SYNE1: variants seen among roughly 807,000 people sequenced by gnomAD.
SYNE1 encodes the protein nesprin-1.
Under a neutral mutation model 1,111.0 loss-of-function variants are expected in SYNE1, and 616 were observed. That is an observed-to-expected ratio of 0.55 (90% CI 0.52 to 0.59). The LOEUF is 0.59. Among genes scored for constraint, SYNE1 ranks in the 20% least tolerant of loss-of-function variants. The probability of loss-of-function intolerance (pLI) is 0.00; values close to 1 mark genes in which losing one functional copy is unlikely to be tolerated. For missense variants in SYNE1, 10,006 were observed against 10,417.0 expected, an observed-to-expected ratio of 0.96 and a Z score of 1.72; for synonymous variants, 3,855 against 3,825.8, an observed-to-expected ratio of 1.01 and a Z score of -0.28.
intron 86 of SYNE1, among the ~76,000 whole-genome samples, chr6:152,317,318 C>T (rs1011629939): frequency 7.3e-5 from 11 of 150,520 alleles, no homozygotes; most frequent in South Asian, 4.2e-4. Flanking sequence ...CTCAATCTTA[C>T]GGGCTCAGCC....
chr6:152,352,396 T>A (rs2096756224), intron 69 of SYNE1, 43 bp from the exon 70 acceptor site: 1 of 1,543,874 alleles, frequency 6.5e-7, no homozygotes, highest in Admixed American at 2.0e-5. Flanking sequence ...TCTTGTTTCT[T>A]TTCTTTTCTT....
chr6:152,387,911 G>A lies in SYNE1; in HGVS notation c.8178-530C>T, dbSNP rs192285856. ...ACACAATATACAGTGCTTTTGTGTCGAATGTGTGAATGAATGCTCAAGTAT... is the reference window on the plus strand; with the variant it reads ...ACACAATATACAGTGCTTTTGTGTCAAATGTGTGAATGAATGCTCAAGTAT... On this transcript the variant is annotated intron_variant, in intron 53 of 145. Transcript: ENST00000367255. Among the ~76,000 whole-genome samples the A allele has an allele frequency of 1.2e-4, 18 of 152,148 alleles. No individual in the cohort carries two copies. The South Asian group carries it at 1.9e-3, about 16-fold the overall frequency.
intron 124 of SYNE1, among the ~76,000 whole-genome samples, chr6:152,209,464 A>G (rs1231747543): frequency 6.6e-6 from 1 of 152,078 alleles, no homozygotes; most frequent in Non-Finnish European, 1.5e-5. Flanking sequence ...ATAGATCCAT[A>G]ATGGGCCGGG....
At position 152,334,188 on chromosome 6, in the gene SYNE1, G is replaced by T; in HGVS notation, c.12614C>A (p.Ser4205Ter). The T allele has an allele frequency of 6.2e-7, 1 of 1,614,088 alleles. No individual in the cohort carries two copies. Among genetic ancestry groups the T allele is most frequent in the Non-Finnish European group, 8.5e-7 (1 of 1,180,012 alleles). Residue 4205 changes from serine to a stop codon, truncating the protein, a stop_gained, in exon 77 of 146, where the codon TCG (serine) becomes TAG (stop). Coordinates refer to ENST00000367255, the MANE Select transcript of SYNE1 (RefSeq NM_182961.4). LOFTEE classifies it high-confidence loss of function. ...ATGATTTATTTCCTTGTGTTCAGGC[G>T]ATTCCTCCTTCTTTGTTAACTTATT... ...KVNKLTKKEE[S>*]PEHKEINHLN...
chr6:152,258,322 T>C (rs887224601), intron 101 of SYNE1, among the ~76,000 whole-genome samples: 4 of 152,216 alleles, frequency 2.6e-5, no homozygotes, highest in Non-Finnish European at 5.9e-5. Flanking sequence ...TTATGAGCAC[T>C]GAGGAATTTA....
Position 152,450,785 on chromosome 6 carries a change from G to T in SYNE1, c.3235C>A (p.Gln1079Lys). Residue 1079 changes from glutamine (Q) to lysine (K), a missense_variant, in exon 27 of 146, where the codon CAG becomes AAG. This residue lies in a region of SYNE1 where 1,971 missense variants were observed against 2,084.1 expected (regional missense o/e 0.95). Coordinates refer to ENST00000367255, the MANE Select transcript of SYNE1 (RefSeq NM_182961.4). ...GPHHLCEKRL[Q>K]LIEELCVKLP... is the part of the protein sequence containing the mutation. ...TTCACACAGAGTTCCTCGATGAGCTGTAACCTTTTCTCACAGAGATGATGA... is the reference window on the plus strand; with the variant it reads ...TTCACACAGAGTTCCTCGATGAGCTTTAACCTTTTCTCACAGAGATGATGA... The T allele has an allele frequency of 6.2e-7, 1 of 1,614,118 alleles. No homozygotes were observed. The highest frequency in any genetic ancestry group is 8.5e-7 in the Non-Finnish European group (1 of 1,180,024).
chr6:152,516,685 C>G (rs1373733803), intron 6 of SYNE1, among the ~76,000 whole-genome samples: 3 of 152,010 alleles, frequency 2.0e-5, no homozygotes, highest in Non-Finnish European at 2.9e-5. Context: ...CTCAAGAGAT[C>G]CTCCCACCTC....
chr6:152,398,604 T>A lies in SYNE1; in HGVS notation c.7350+15A>T, dbSNP rs1259239532. On this transcript the variant is annotated intron_variant, in intron 49 of 145. Transcript: ENST00000367255. ...ACATTTTGGGGAAGAAGGAAAAGGA[T>A]GTCAGCTTCTATACCTGAAGATCAT... 1 of 1,606,088 alleles carries A rather than the reference T, an allele frequency of 6.2e-7. No homozygotes were observed. The highest frequency in any genetic ancestry group is 8.5e-7 in the Non-Finnish European group (1 of 1,172,732).
intron 15 of SYNE1, chr6:152,472,070 A>G: frequency 1.7e-6 from 1 of 602,284 alleles, no homozygotes; most frequent in African/African-American, 1.9e-5. Flanking sequence ...CAGCCTCTGA[A>G]GAAACCATTT....
In SYNE1 at chr6:152,526,138, T is replaced by G. The variant is rs374929339; in HGVS notation, c.167A>C (p.Asp56Ala). ...PPMVVDDLFEDMKDGVKLLAL... is the reference protein window; with the variant it reads ...PPMVVDDLFEAMKDGVKLLAL... ...AAGCAGTTTAACACCATCTTTCATG[T>G]CTTCAAAAAGATCGTCCACCACCAT... Residue 56 changes from aspartate to alanine, a missense_variant, in exon 5 of 146, where the codon GAC (aspartate) becomes GCC (alanine). Physicochemically the swap from Asp to Ala is moderately radical, Grantham distance 126 (BLOSUM62 -2). Coordinates refer to ENST00000367255, the MANE Select transcript of SYNE1 (RefSeq NM_182961.4). The G allele has an allele frequency of 1.2e-6, 2 of 1,614,008 alleles. No homozygotes were observed. Among genetic ancestry groups the G allele is most frequent in the African/African-American group, 2.7e-5 (2 of 74,936 alleles).
At chr6:152,632,777 T>C (rs1471749972) in intron 2 of SYNE1, among the ~76,000 whole-genome samples, 2 of 152,256 alleles carry the variant, frequency 1.3e-5, no homozygotes, top group Middle Eastern at 3.2e-3. Flanking sequence ...AATTTTATCC[T>C]GCTTAAATTA....
intron 13 of SYNE1, among the ~76,000 whole-genome samples, chr6:152,484,226 ATAAAG>A (rs1349895387): frequency 6.6e-6 from 1 of 152,026 alleles, no homozygotes; most frequent in Admixed American, 6.6e-5. Context: ...ACAAAATAAA[ATAAAG>A]TAAAGAATAT....
intron 127 of SYNE1, among the ~76,000 whole-genome samples, chr6:152,200,842 C>G (rs746044497): frequency 1.5e-4 from 23 of 152,164 alleles, no homozygotes; most frequent in Non-Finnish European, 3.2e-4. Context: ...TTTAACTTTC[C>G]TAAATCTGCC....
intron 3 of SYNE1, among the ~76,000 whole-genome samples, chr6:152,559,824 C>T (rs2099389042): frequency 6.6e-6 from 1 of 151,942 alleles, no homozygotes. Context: ...CAAGAGAAAA[C>T]AATCAATGAA....
In SYNE1 at chr6:152,255,104, A is replaced by C. The variant is rs1344697239; in HGVS notation, c.19261-15T>G. On this transcript the variant is annotated splice_polypyrimidine_tract_variant and intron_variant, in intron 103 of 145. Coordinates refer to ENST00000367255, the MANE Select transcript of SYNE1 (RefSeq NM_182961.4). ...TTGGCAAGAATCTAGAGGTGATAAA[A>C]GGGCATTTTTCAGTGTTTAGATACA... 6.4e-7 allele frequency: 1 copy of C among 1,572,754 alleles called. No homozygotes were observed. Among genetic ancestry groups the C allele is most frequent in the South Asian group, 1.1e-5 (1 of 87,018 alleles).
Position 152,385,857 on chromosome 6 carries a change from A to T in SYNE1, c.8488-19T>A. On this transcript the variant is annotated intron_variant, in intron 54 of 145. Coordinates refer to ENST00000367255, the MANE Select transcript of SYNE1 (RefSeq NM_182961.4). ...TTTTTTCCTAGTAAACAAAGAAAAG[A>T]CTACCTTAACAGTGGTCCTTTTGAG... The T allele has an allele frequency of 3.1e-6, 5 of 1,613,638 alleles. No individual in the cohort carries two copies. The highest frequency in any genetic ancestry group is 4.2e-6 in the Non-Finnish European group (5 of 1,179,786).
chr6:152,209,103 C>T (rs2077057603), intron 124 of SYNE1, among the ~76,000 whole-genome samples: 1 of 152,162 alleles, frequency 6.6e-6, no homozygotes, highest in Non-Finnish European at 1.5e-5. Context: ...TTATTCACAC[C>T]TAAAGTGCAA....
chr6:152,319,502 A>G (rs538342786), intron 84 of SYNE1, among the ~76,000 whole-genome samples: 29 of 152,354 alleles, frequency 1.9e-4, no homozygotes, highest in African/African-American at 6.3e-4. Flanking sequence ...CTACAGCTCT[A>G]TAGTATGCCA....
At chr6:152,215,635 A>G (rs948737861) in intron 121 of SYNE1, among the ~76,000 whole-genome samples, 2 of 152,210 alleles carry the variant, frequency 1.3e-5, no homozygotes, top group African/African-American at 4.8e-5. Context: ...AACTAACAAA[A>G]GTTATAACAG....
Sources: allele counts gnomAD v4.1 joint callset (sites outside exome capture counted in the v4.1 genomes callset), GRCh38; gene constraint gnomAD v4.1.1; regional missense constraint gnomAD v4.1.1; transcripts MANE v1.5; gene names NCBI Gene and HGNC (gene_info 2026-07-23, HGNC 2026-07-21).